The following SIRT1 variants were observed in gnomAD, a reference collection of about 807,000 sequenced individuals.
SIRT1 encodes NAD-dependent protein deacetylase sirtuin-1.
A neutral mutation model predicts 67.9 loss-of-function variants in SIRT1; 24 were observed. That is an observed-to-expected ratio of 0.35 (90% CI 0.26 to 0.50). The LOEUF (loss-of-function observed/expected upper bound fraction) is 0.50, where lower values mean the gene tolerates loss of function less well. Among genes scored for constraint, SIRT1 ranks in the 20% least tolerant of loss-of-function variants. The pLI is 0.98. For missense variants in SIRT1, 873 were observed against 937.2 expected, an observed-to-expected ratio of 0.93 and a Z score of 0.89; for synonymous variants, 378 against 350.7, an observed-to-expected ratio of 1.08 and a Z score of -0.87.
chr10:67,905,211 G>A (rs1021977717), intron 4 of SIRT1, among the ~76,000 whole-genome samples: 1 of 152,178 alleles, frequency 6.6e-6, no homozygotes, highest in Non-Finnish European at 1.5e-5. Flanking sequence ...GCTTTAATGA[G>A]ACATACAATG....
At position 67,916,790 on chromosome 10, in the gene SIRT1, CT is replaced by C. The variant is rs61666042; in HGVS notation, c.*209del. On this transcript the variant is annotated 3_prime_UTR_variant, in exon 9 of 9. Coordinates refer to ENST00000212015, the MANE Select transcript of SIRT1 (RefSeq NM_012238.5). ...TGTACTTGTACAAACTCAACACTAA[CT>C]TTTTTTTTTTTAAAAAAAAAAAGGT... 4.5e-3 allele frequency: 1,221 copies of C among 272,964 alleles called. No homozygotes were observed. The highest frequency in any genetic ancestry group is 0.015 in the East Asian group (284 of 19,004). 16.9% of individuals were successfully genotyped at this position (272,964 alleles called of 1,614,324 possible). A position where few individuals can be genotyped will look rare whatever the true frequency, so the allele number is the denominator to read the frequency against.
intron 6 of SIRT1, among the ~76,000 whole-genome samples, 195 bp from the exon 7 acceptor site, chr10:67,909,061 C>T (rs1178998057): frequency 1.3e-5 from 2 of 151,978 alleles, no homozygotes; most frequent in Non-Finnish European, 2.9e-5. Context: ...ATAACAAGAG[C>T]ATAGTATTTC....
intron 4 of SIRT1, among the ~76,000 whole-genome samples, chr10:67,901,853 A>C (rs1842749754): frequency 6.6e-6 from 1 of 152,268 alleles, no homozygotes; most frequent in Non-Finnish European, 1.5e-5. Flanking sequence ...TGTGGTGTAC[A>C]ACATGATGTT....
At chr10:67,897,709 G>A (rs528869925) in intron 4 of SIRT1, among the ~76,000 whole-genome samples, 51 of 151,852 alleles carry the variant, frequency 3.4e-4, no homozygotes, top group Middle Eastern at 6.8e-3. Context: ...TGTTGGCCAC[G>A]CTGGTCTCGA....
chr10:67,909,125 C>T (rs1842862609), intron 6 of SIRT1, 131 bp from the exon 7 acceptor site: 3 of 604,120 alleles, frequency 5.0e-6, no homozygotes, highest in African/African-American at 1.9e-5. Flanking sequence ...GCTGTTTATC[C>T]ATAGCTTTTC....
chr10:67,915,386 T>G (rs2029882363), intron 8 of SIRT1, among the ~76,000 whole-genome samples: 1 of 152,238 alleles, frequency 6.6e-6, no homozygotes, highest in African/African-American at 2.4e-5. Context: ...TCCTACTCTT[T>G]CACTTAAACC....
At chr10:67,894,291 TC>T (rs1435314016) in intron 4 of SIRT1, among the ~76,000 whole-genome samples, 4 of 152,264 alleles carry the variant, frequency 2.6e-5, no homozygotes, top group African/African-American at 9.6e-5. Flanking sequence ...ACTTTTTACT[TC>T]ATATATCCGT....
In SIRT1 at chr10:67,916,738, A is replaced by T. The variant is rs2131896453; in HGVS notation, c.*145A>T. On this transcript the variant is annotated 3_prime_UTR_variant, in exon 9 of 9. Transcript: ENST00000212015. ...AGGTTGGTAAAATAGATTGTTTTTC[A>T]TGGATAATTTTTAACTTCATTATTT... The T allele has an allele frequency of 5.5e-6, 3 of 550,114 alleles. No individual in the cohort carries two copies. In the Admixed American group the frequency reaches 1.1e-4, roughly 20 times the overall value. The allele number at this position is 550,114 out of a possible 1,614,324, so 34.1% of individuals were successfully genotyped here. A position where few individuals can be genotyped will look rare whatever the true frequency, so the allele number is the denominator to read the frequency against.
chr10:67,895,740 T>G lies in SIRT1; in HGVS notation c.942+4186T>G, dbSNP rs975852476. 1.0e-4 allele frequency among the ~76,000 whole-genome samples: 9 copies of G among 88,266 alleles called. No individual in the cohort carries two copies. The East Asian group carries it at 1.2e-3, about 12-fold the overall frequency. The allele number at this position is 88,266 out of a possible 152,430, so 57.9% of individuals were successfully genotyped here. ...ATTATTGAGAATTAACTTGTTTTTT[T>G]TTTTTTTGTTTTTTTTTTTTGAGAC... On this transcript the variant is annotated intron_variant, in intron 4 of 8. Transcript: ENST00000212015.
At chr10:67,905,883 T>G (rs536803834) in intron 4 of SIRT1, among the ~76,000 whole-genome samples, 1 of 152,214 alleles carries the variant, frequency 6.6e-6, no homozygotes, top group Non-Finnish European at 1.5e-5. Flanking sequence ...ATTATGGATG[T>G]ACCATATTTA....
At chr10:67,912,174 A>G (rs778915348) in intron 7 of SIRT1, among the ~76,000 whole-genome samples, 9 of 152,118 alleles carry the variant, frequency 5.9e-5, no homozygotes, top group East Asian at 1.9e-4. Context: ...GAGAAGTACT[A>G]TTATCATCCC....
At chr10:67,908,826 C>T (rs1842858106) in intron 6 of SIRT1, among the ~76,000 whole-genome samples, 1 of 152,102 alleles carries the variant, frequency 6.6e-6, no homozygotes, top group Non-Finnish European at 1.5e-5. Flanking sequence ...TATTTGAACT[C>T]GGGAGGTGGA....
intron 4 of SIRT1, among the ~76,000 whole-genome samples, chr10:67,895,609 A>G (rs958762244): frequency 6.6e-6 from 1 of 152,120 alleles, no homozygotes; most frequent in African/African-American, 2.4e-5. Flanking sequence ...TGAAGCCATG[A>G]AAAGGAAATA....
intron 8 of SIRT1, among the ~76,000 whole-genome samples, chr10:67,913,989 T>G (rs900760456): frequency 1.3e-5 from 2 of 152,038 alleles, no homozygotes; most frequent in Non-Finnish European, 1.5e-5. Context: ...CATTAATACT[T>G]TGGTATAGGT....
At chr10:67,897,331 A>G (rs1383987926) in intron 4 of SIRT1, among the ~76,000 whole-genome samples, 1 of 148,222 alleles carries the variant, frequency 6.7e-6, no homozygotes, top group Admixed American at 6.8e-5. Flanking sequence ...CTTGTTGCTC[A>G]GGCTGGAGTG....
intron 4 of SIRT1, among the ~76,000 whole-genome samples, chr10:67,895,670 T>G (rs1188745367): frequency 1.3e-5 from 2 of 150,518 alleles, no homozygotes; most frequent in Admixed American, 1.3e-4. Flanking sequence ...CTTTTTTTTT[T>G]GGAAAGAATT....
Position 67,888,871 on chromosome 10 carries a change from C to T in SIRT1, c.548-11C>T, listed in dbSNP as rs201230766. The T allele has an allele frequency of 2.7e-5, 43 of 1,583,854 alleles. No individual in the cohort carries two copies. Among genetic ancestry groups the T allele is most frequent in the South Asian group, 3.4e-5 (3 of 87,114 alleles). On this transcript the variant is annotated splice_polypyrimidine_tract_variant and intron_variant, in intron 2 of 8. Coordinates refer to ENST00000212015, the MANE Select transcript of SIRT1 (RefSeq NM_012238.5). ...ATAAGTTGACTTTAAGCCTTTTCCC[C>T]CTTATTGTAGGTCCATATACTTTTG...
chr10:67,916,788 AACTT>A lies in SIRT1; in HGVS notation c.*196_*199del, dbSNP rs563006523. 2.9e-3 allele frequency: 1,092 copies of A among 372,562 alleles called. 6 individuals carry two copies. Among genetic ancestry groups the A allele is most frequent in the East Asian group, 0.012 (317 of 27,388 alleles). The allele number at this position is 372,562 out of a possible 1,614,324, so 23.1% of individuals were successfully genotyped here. Reference sequence around the variant, plus strand: ...TCTGTACTTGTACAAACTCAACACTAACTTTTTTTTTTTTAAAAAAAAAAAGGTA... The same window carrying A: ...TCTGTACTTGTACAAACTCAACACTATTTTTTTTTTAAAAAAAAAAAGGTA... On this transcript the variant is annotated 3_prime_UTR_variant, in exon 9 of 9. Coordinates refer to ENST00000212015, the MANE Select transcript of SIRT1 (RefSeq NM_012238.5).
chr10:67,887,126 C>T (rs575495072), intron 1 of SIRT1, among the ~76,000 whole-genome samples: 2 of 152,276 alleles, frequency 1.3e-5, no homozygotes, highest in Admixed American at 6.5e-5. Flanking sequence ...CCTGCCTCGG[C>T]CTCCCAAAGC....
Sources: allele counts gnomAD v4.1 joint callset (sites outside exome capture counted in the v4.1 genomes callset), GRCh38; gene constraint gnomAD v4.1.1; transcripts MANE v1.5; gene names NCBI Gene and HGNC (gene_info 2026-07-23, HGNC 2026-07-21).